STYXL1: variants seen among roughly 807,000 people sequenced by gnomAD.
The protein encoded by STYXL1 is serine/threonine/tyrosine-interacting-like protein 1.
STYXL1 carries 32 observed loss-of-function variants against 36.4 expected under a neutral mutation model. The ratio of observed to expected loss-of-function variants is 0.88; its 90% CI spans 0.66 to 1.18. The LOEUF is 1.18. Among genes scored for constraint, STYXL1 ranks in the 50% most tolerant of loss-of-function variants. The probability of loss-of-function intolerance (pLI) is 0.00; values close to 1 mark genes in which losing one functional copy is unlikely to be tolerated. For synonymous variants in STYXL1, 133 were observed against 144.1 expected (o/e 0.92, Z 0.55); for missense variants, 354 against 394.1 (o/e 0.90, Z 0.86).
intron 8 of STYXL1, chr7:76,000,434 C>T (rs367913272): frequency 7.7e-5 from 35 of 456,788 alleles, no homozygotes; most frequent in East Asian, 6.9e-5. Flanking sequence ...GGCAGGCCCT[C>T]GAGAAAGGTG....
intron 3 of STYXL1, among the ~76,000 whole-genome samples, chr7:76,025,299 T>C (rs1554577391): frequency 6.7e-6 from 1 of 149,328 alleles, no homozygotes; most frequent in African/African-American, 2.5e-5. Flanking sequence ...AGACTTTGTC[T>C]CAAAAAATAA....
At chr7:76,040,759 C>T (rs149077019) in intron 1 of STYXL1, among the ~76,000 whole-genome samples, 1,515 of 151,278 alleles carry the variant, frequency 0.01, 22 homozygotes, top group African/African-American at 0.035. Flanking sequence ...TCGCTTGAAC[C>T]TGGGAGACGG....
intron 1 of STYXL1, among the ~76,000 whole-genome samples, chr7:76,032,384 G>A (rs1448411651): frequency 1.5e-5 from 2 of 129,864 alleles, no homozygotes; most frequent in African/African-American, 5.8e-5. Flanking sequence ...GGGCAACAGA[G>A]TGAGACCCTG....
chr7:76,018,386 A>C (rs1054192732), intron 4 of STYXL1, among the ~76,000 whole-genome samples: 10 of 151,674 alleles, frequency 6.6e-5, no homozygotes, highest in African/African-American at 2.4e-4. Context: ...AGCACATGTC[A>C]GTACTTTTAT....
chr7:76,030,625 T>G (rs1242591703), intron 1 of STYXL1, 98 bp from the exon 2 acceptor site: 11 of 715,788 alleles, frequency 1.5e-5, no homozygotes, highest in Non-Finnish European at 2.7e-5. Context: ...TAACATACCT[T>G]CAAGCAAAGA....
chr7:76,031,331 C>CAAAAAAAA (rs60550486), intron 1 of STYXL1, among the ~76,000 whole-genome samples: 3 of 42,304 alleles, frequency 7.1e-5, no homozygotes, highest in African/African-American at 1.2e-4. Context: ...ACTCTGTCTC[C>CAAAAAAAA]AAAAAAAAAA....
At chr7:76,028,120 C>T (rs1204099935) in intron 3 of STYXL1, among the ~76,000 whole-genome samples, 2 of 152,090 alleles carry the variant, frequency 1.3e-5, no homozygotes, top group African/African-American at 2.4e-5. Context: ...CTACAAACTC[C>T]GCCTCCCAGG....
intron 4 of STYXL1, among the ~76,000 whole-genome samples, chr7:76,017,077 A>G (rs1793461287): frequency 6.6e-6 from 1 of 152,086 alleles, no homozygotes; most frequent in African/African-American, 2.4e-5. Context: ...GCTGGAGTGC[A>G]ATGGCACGAT....
Position 76,013,843 on chromosome 7 carries a change from G to C in STYXL1, c.352C>G (p.Arg118Gly). 6.2e-7 allele frequency: 1 copy of C among 1,613,958 alleles called. No individual in the cohort carries two copies. Among genetic ancestry groups the C allele is most frequent in the Non-Finnish European group, 8.5e-7 (1 of 1,179,946 alleles). Residue 118 changes from arginine to glycine, a missense_variant, in exon 5 of 9, where the codon CGC becomes GGC. Coordinates refer to ENST00000359697, the MANE Select transcript of STYXL1 (RefSeq NM_001317785.2). ...ATGTAGACGGGGTGGTGGGTGAGGC[G>C]GGTCAGGATCCTGCCATACTCAATG... ...AAIEYGRILT[R>G]LTHHPVYILK...
At chr7:76,028,241 C>T (rs1794939724) in intron 3 of STYXL1, among the ~76,000 whole-genome samples, 1 of 151,986 alleles carries the variant, frequency 6.6e-6, no homozygotes, top group South Asian at 2.1e-4. Flanking sequence ...ACCATGTTGG[C>T]CAGTCTGGTC....
chr7:76,038,572 T>C (rs1554581322), intron 1 of STYXL1, among the ~76,000 whole-genome samples: 1 of 151,768 alleles, frequency 6.6e-6, no homozygotes, highest in African/African-American at 2.4e-5. Context: ...ACTACAGGCG[T>C]CTGCCACCAC....
chr7:76,044,525 T>C (rs1399266079), intron 1 of STYXL1: 1 of 152,068 alleles, frequency 6.6e-6, no homozygotes, highest in African/African-American at 2.4e-5. Flanking sequence ...CGAGTTCCTC[T>C]TCTGTGGAGA....
intron 1 of STYXL1, chr7:76,045,116 A>G (rs918323157): frequency 3.2e-4 from 48 of 151,878 alleles, no homozygotes; most frequent in African/African-American, 1.0e-3. Flanking sequence ...CCTTTGTATA[A>G]CCCGACTTCC....
At chr7:76,027,924 T>G (rs1554578192) in intron 3 of STYXL1, among the ~76,000 whole-genome samples, 1 of 152,010 alleles carries the variant, frequency 6.6e-6, no homozygotes, top group African/African-American at 2.4e-5. Flanking sequence ...GGCAACACAG[T>G]GCAACCCCAT....
intron 1 of STYXL1, among the ~76,000 whole-genome samples, chr7:76,032,323 C>T (rs1554579597): frequency 6.7e-6 from 1 of 148,858 alleles, no homozygotes; most frequent in South Asian, 2.1e-4. Context: ...TCACTTGAGG[C>T]TGGGAGGTGG....
At chr7:76,001,036 G>C in intron 7 of STYXL1, 34 bp from the exon 8 acceptor site, 1 of 1,549,946 alleles carries the variant, frequency 6.5e-7, no homozygotes, top group Non-Finnish European at 8.9e-7. Context: ...GGTCATGCCT[G>C]GCCCTCCTCC....
intron 4 of STYXL1, among the ~76,000 whole-genome samples, chr7:76,016,274 GTATA>G (rs1323082477): frequency 6.6e-6 from 1 of 150,918 alleles, no homozygotes; most frequent in African/African-American, 2.4e-5. Flanking sequence ...ATGTATGTGT[GTATA>G]TATGTATATC....
At chr7:76,029,942 G>A (rs1795139861) in intron 2 of STYXL1, among the ~76,000 whole-genome samples, 1 of 152,102 alleles carries the variant, frequency 6.6e-6, no homozygotes, top group Non-Finnish European at 1.5e-5. Context: ...TGTGCTGCCT[G>A]GTTCCTAACA....
At chr7:76,008,122 C>A (rs1258670014) in intron 5 of STYXL1, among the ~76,000 whole-genome samples, 3 of 141,162 alleles carry the variant, frequency 2.1e-5, no homozygotes, top group African/African-American at 7.9e-5. Context: ...TCACTTGAAC[C>A]CAGGAGGTGG....
Sources: gnomAD v4.1 joint callset for allele counts (sites outside exome capture counted in the v4.1 genomes callset) on GRCh38, gnomAD v4.1.1 for gene constraint, MANE v1.5 for transcripts, NCBI Gene and HGNC (gene_info 2026-07-23, HGNC 2026-07-21) for gene names.